LOC400499: variants seen among roughly 807,000 people sequenced by gnomAD.
the LOC400499 span, among the ~76,000 whole-genome samples, chr16:11,475,038 A>C: frequency 6.6e-6 from 1 of 152,218 alleles, no homozygotes; most frequent in Non-Finnish European, 1.5e-5. Context: ...TCTTATGTAA[A>C]GTGTTGATTT....
chr16:11,453,178 T>A, the LOC400499 span, among the ~76,000 whole-genome samples: 4 of 152,322 alleles, frequency 2.6e-5, no homozygotes, highest in South Asian at 8.3e-4. Flanking sequence ...GCGGGTCTCT[T>A]ACTCGAAGTT....
the LOC400499 span, among the ~76,000 whole-genome samples, chr16:11,448,362 C>T: frequency 4.6e-5 from 7 of 152,168 alleles, no homozygotes; most frequent in Non-Finnish European, 8.8e-5. Flanking sequence ...CTAAAGTGAC[C>T]AGGGTCCATT....
chr16:11,472,083 T>A, the LOC400499 span: 2 of 354,782 alleles, frequency 5.6e-6, no homozygotes, highest in Non-Finnish European at 1.0e-5. Context: ...TGGATCCCCA[T>A]CCACTAGATG....
the LOC400499 span, among the ~76,000 whole-genome samples, chr16:11,412,379 C>A: frequency 6.6e-6 from 1 of 152,228 alleles, no homozygotes; most frequent in Non-Finnish European, 1.5e-5. Flanking sequence ...AGAAATTCCC[C>A]AGACTTTGCT....
chr16:11,393,147 C>A, the LOC400499 span, among the ~76,000 whole-genome samples: 7 of 111,954 alleles, frequency 6.3e-5, no homozygotes, highest in African/African-American at 2.3e-4. Context: ...AGCCACCACG[C>A]CTGGCCACCC....
the LOC400499 span, among the ~76,000 whole-genome samples, chr16:11,397,459 G>C: frequency 6.6e-6 from 1 of 152,098 alleles, no homozygotes; most frequent in Non-Finnish European, 1.5e-5. Context: ...ATTTTTAGTA[G>C]AGAAGAGGTT....
chr16:11,393,526 G>C, the LOC400499 span: 1 of 1,232,442 alleles, frequency 8.1e-7, no homozygotes, highest in East Asian at 3.2e-5. Flanking sequence ...ACACGGCCCA[G>C]TAGGCCAACC....
chr16:11,451,627 A>G, the LOC400499 span, among the ~76,000 whole-genome samples: 1 of 152,216 alleles, frequency 6.6e-6, no homozygotes, highest in Non-Finnish European at 1.5e-5. Context: ...GGCTGTGAAG[A>G]AAAACAATAA....
chr16:11,464,072 ATG>A, the LOC400499 span, among the ~76,000 whole-genome samples: 2 of 152,230 alleles, frequency 1.3e-5, no homozygotes, highest in Non-Finnish European at 2.9e-5. Flanking sequence ...GTGTACAGAT[ATG>A]TGTGTATATA....
the LOC400499 span, chr16:11,399,376 G>A: frequency 1.4e-5 from 10 of 704,190 alleles, no homozygotes; most frequent in African/African-American, 1.8e-4. Context: ...CGCAAGCACT[G>A]GAACCCAGGA....
chr16:11,426,514 T>C, the LOC400499 span, among the ~76,000 whole-genome samples: 128,028 of 151,912 alleles, frequency 0.84, 54,150 homozygotes, highest in African/African-American at 0.92. Flanking sequence ...AAATTTTGAA[T>C]GTTTTCTTTG....
chr16:11,455,497 G>C, the LOC400499 span, among the ~76,000 whole-genome samples: 1 of 152,216 alleles, frequency 6.6e-6, no homozygotes, highest in East Asian at 1.9e-4. Context: ...CACTTTGGGA[G>C]GCCAAAGAAG....
At chr16:11,435,240 G>A in the LOC400499 span, among the ~76,000 whole-genome samples, 1 of 152,100 alleles carries the variant, frequency 6.6e-6, no homozygotes, top group South Asian at 2.1e-4. Flanking sequence ...AGCCTCCTGA[G>A]TAGCTGGGAC....
chr16:11,455,168 A>G, the LOC400499 span, among the ~76,000 whole-genome samples: 1 of 152,220 alleles, frequency 6.6e-6, no homozygotes, highest in Non-Finnish European at 1.5e-5. Context: ...GACACCATAT[A>G]TCTCAGCTAT....
the LOC400499 span, among the ~76,000 whole-genome samples, chr16:11,416,251 C>G: frequency 9.4e-4 from 143 of 152,116 alleles, 1 homozygote; most frequent in Non-Finnish European, 1.7e-3. Flanking sequence ...CACCCGGCCC[C>G]CAAAATAAAA....
the LOC400499 span, among the ~76,000 whole-genome samples, chr16:11,418,549 G>A: frequency 3.6e-3 from 555 of 152,256 alleles, no homozygotes; most frequent in African/African-American, 0.012. Flanking sequence ...AAGGGGAGGC[G>A]TGAATAATCC....
the LOC400499 span, among the ~76,000 whole-genome samples, chr16:11,502,877 G>C: frequency 4.0e-5 from 6 of 149,412 alleles, no homozygotes; most frequent in Middle Eastern, 3.6e-3. Flanking sequence ...GCCTTCCAAA[G>C]TGCTGGGATT....
At chr16:11,511,895 C>T in the LOC400499 span, among the ~76,000 whole-genome samples, 30 of 151,768 alleles carry the variant, frequency 2.0e-4, no homozygotes, top group African/African-American at 6.0e-4. Context: ...GGCATGGTGG[C>T]GCACAGCTGT....
At chr16:11,416,511 G>T in the LOC400499 span, among the ~76,000 whole-genome samples, 1 of 152,050 alleles carries the variant, frequency 6.6e-6, no homozygotes, top group African/African-American at 2.4e-5. Context: ...GCACCCATTC[G>T]ATACCTACTA....
Sources: allele counts gnomAD v4.1 joint callset (sites outside exome capture counted in the v4.1 genomes callset), GRCh38; gene constraint gnomAD v4.1.1; transcripts MANE v1.5.